The following VAT1L variants were observed in gnomAD, a reference collection of about 807,000 sequenced individuals.
VAT1L encodes the protein vesicle amine transport 1 like.
Under a neutral mutation model 44.1 loss-of-function variants are expected in VAT1L, and 34 were observed. The observed-to-expected ratio is 0.77, with a 90% CI of 0.59 to 1.03. The LOEUF (loss-of-function observed/expected upper bound fraction) is 1.03. Ranked by LOEUF, VAT1L falls within the 50% of genes least tolerant of loss-of-function variation. The pLI is 0.00. For synonymous variants in VAT1L, 253 were observed against 202.2 expected, an observed-to-expected ratio of 1.25 and a Z score of -2.13; for missense variants, 615 against 538.8, an observed-to-expected ratio of 1.14 and a Z score of -1.40.
chr16:77,849,125 C>T (rs922288172), intron 3 of VAT1L, among the ~76,000 whole-genome samples: 19 of 152,074 alleles, frequency 1.2e-4, no homozygotes, highest in South Asian at 2.1e-4. Context: ...ACCACCATGG[C>T]ACGTGTATGC....
intron 3 of VAT1L, among the ~76,000 whole-genome samples, chr16:77,839,185 G>T (rs745729955): frequency 6.6e-6 from 1 of 152,070 alleles, no homozygotes; most frequent in Non-Finnish European, 1.5e-5. Flanking sequence ...CTGAAGGAGG[G>T]GGAGGGAATG....
chr16:77,953,850 C>A (rs1158302737), intron 7 of VAT1L, among the ~76,000 whole-genome samples: 1 of 152,162 alleles, frequency 6.6e-6, no homozygotes, highest in South Asian at 2.1e-4. Flanking sequence ...TTGGTTCACA[C>A]TAGATCCTGA....
intron 7 of VAT1L, among the ~76,000 whole-genome samples, chr16:77,905,273 AT>A (rs1359913200): frequency 1.3e-5 from 2 of 152,174 alleles, no homozygotes; most frequent in Non-Finnish European, 2.9e-5. Flanking sequence ...GCATGGCTTG[AT>A]TTTCTTCAAA....
chr16:77,844,463 C>T (rs2016738366), intron 3 of VAT1L, among the ~76,000 whole-genome samples: 1 of 152,030 alleles, frequency 6.6e-6, no homozygotes, highest in Non-Finnish European at 1.5e-5. Flanking sequence ...GACTGGAGTG[C>T]AGTGGCGCTA....
In VAT1L at chr16:77,884,925, T is replaced by C; in HGVS notation, c.1077+123T>C. On this transcript the variant is annotated intron_variant, in intron 7 of 8. Coordinates refer to ENST00000302536, the MANE Select transcript of VAT1L (RefSeq NM_020927.3). The surrounding 1 kb of genome is among the most constrained non-coding windows in gnomAD (Gnocchi z 4.5). ...CAGATGGGTTTGTTTTAAATGAGGG[T>C]CCTAAAAGTCACCTGTACCACAGAA... is the stretch of plus-strand genomic sequence containing the variant. The C allele has an allele frequency of 9.6e-7, 1 of 1,040,326 alleles. No individual in the cohort carries two copies. The highest frequency in any genetic ancestry group is 3.0e-5 in the East Asian group (1 of 33,638). The allele number at this position is 1,040,326 out of a possible 1,614,324, so 64.4% of individuals were successfully genotyped here.
At chr16:77,954,852 A>G (rs555919870) in intron 7 of VAT1L, among the ~76,000 whole-genome samples, 1 of 152,342 alleles carries the variant, frequency 6.6e-6, no homozygotes, top group South Asian at 2.1e-4. Context: ...TCAATAAAAG[A>G]GGCCTAGGGT....
chr16:77,946,276 G>GCTCTTTTTTTTTTTTTTTTTTT (rs1441996306), intron 7 of VAT1L, among the ~76,000 whole-genome samples: 3 of 33,862 alleles, frequency 8.9e-5, no homozygotes, highest in Non-Finnish European at 1.7e-4. Context: ...TAGGTTACTT[G>GCTCTTTTTTTTTTTTTTTTTTT]TTCTTTTTTT....
intron 7 of VAT1L, among the ~76,000 whole-genome samples, chr16:77,893,902 A>G (rs1015569071): frequency 1.3e-5 from 2 of 152,246 alleles, no homozygotes; most frequent in South Asian, 2.1e-4. Flanking sequence ...AATGCTTAGC[A>G]TAGCATGTTT....
chr16:77,901,017 C>T (rs1239806709), intron 7 of VAT1L, among the ~76,000 whole-genome samples: 5 of 152,016 alleles, frequency 3.3e-5, no homozygotes, highest in Non-Finnish European at 7.3e-5. Context: ...TCACGGTTGG[C>T]AAGCATCAAG....
intron 7 of VAT1L, among the ~76,000 whole-genome samples, chr16:77,954,651 A>T (rs992328488): frequency 6.6e-6 from 1 of 152,148 alleles, no homozygotes; most frequent in African/African-American, 2.4e-5. Context: ...TAAATGGAAC[A>T]TCATCTCCCC....
intron 2 of VAT1L, among the ~76,000 whole-genome samples, chr16:77,822,462 G>C (rs1341614330): frequency 6.6e-6 from 1 of 152,172 alleles, no homozygotes; most frequent in African/African-American, 2.4e-5. Flanking sequence ...GGAACAGACT[G>C]CTGTCACCAC....
In VAT1L at chr16:77,977,582, T is replaced by C. The variant is rs538594316; in HGVS notation, c.1162-15T>C. ...GGTTGCACAACCCTCAATAACATCC[T>C]CTTTTGAATTACAGATGGCCAATGA... On this transcript the variant is annotated splice_polypyrimidine_tract_variant and intron_variant, in intron 8 of 8. Transcript: ENST00000302536. 1.9e-6 allele frequency: 3 copies of C among 1,613,286 alleles called. No homozygotes were observed. The highest frequency in any genetic ancestry group is 2.5e-6 in the Non-Finnish European group (3 of 1,179,620).
chr16:77,798,460 AAAG>A (rs1390432325), intron 1 of VAT1L, among the ~76,000 whole-genome samples: 1 of 152,182 alleles, frequency 6.6e-6, no homozygotes, highest in Non-Finnish European at 1.5e-5. Context: ...TTGTGTGGGG[AAAG>A]AAGAAGATAA....
Position 77,879,591 on chromosome 16 carries a change from C to T in VAT1L, c.882+367C>T, listed in dbSNP as rs1187603881. On this transcript the variant is annotated intron_variant, in intron 6 of 8. Transcript: ENST00000302536. This position sits in a 1 kb window ranked among gnomAD's most constrained non-coding sequence, Gnocchi z 4.1. ...GTGAGCCACCGCACCCAGCTGTGAG[C>T]TCTTCTATCATAAGGCATTGACTTA... is the stretch of plus-strand genomic sequence containing the variant. Among the ~76,000 whole-genome samples the T allele has an allele frequency of 6.6e-6, 1 of 152,154 alleles. No homozygotes were observed. Among genetic ancestry groups the T allele is most frequent in the African/African-American group, 2.4e-5 (1 of 41,442 alleles).
intron 1 of VAT1L, among the ~76,000 whole-genome samples, chr16:77,812,229 C>T (rs566450133): frequency 1.3e-5 from 2 of 152,098 alleles, no homozygotes; most frequent in South Asian, 2.1e-4. Context: ...TGCGCTATCA[C>T]GCCCGGCTAA....
In VAT1L at chr16:77,807,773, C is replaced by T. The variant is rs960824282; in HGVS notation, c.234-9148C>T. Among the ~76,000 whole-genome samples the T allele has an allele frequency of 2.6e-5, 4 of 152,250 alleles. No individual in the cohort carries two copies. The South Asian group carries it at 8.3e-4, about 32-fold the overall frequency. The stretch of plus-strand genomic sequence containing the variant: ...GTCACATGCAATCCACACAACACCC[C>T]GTAAGGTGGTTGTGTTACTATCCCA... On this transcript the variant is annotated intron_variant, in intron 1 of 8. Transcript: ENST00000302536.
At chr16:77,867,919 G>T (rs1295106338) in intron 4 of VAT1L, among the ~76,000 whole-genome samples, 1 of 151,788 alleles carries the variant, frequency 6.6e-6, no homozygotes, top group Non-Finnish European at 1.5e-5. Flanking sequence ...CATTGGGTGG[G>T]AAATGGGTAC....
At chr16:77,939,426 A>T (rs1201881670) in intron 7 of VAT1L, among the ~76,000 whole-genome samples, 2 of 152,290 alleles carry the variant, frequency 1.3e-5, no homozygotes, top group East Asian at 3.9e-4. Flanking sequence ...AGTTAGTTAC[A>T]CTGAGAACTG....
intron 7 of VAT1L, among the ~76,000 whole-genome samples, chr16:77,928,841 G>A (rs541737641): frequency 6.6e-6 from 1 of 152,022 alleles, no homozygotes; most frequent in East Asian, 1.9e-4. Context: ...TTTTTGAGAT[G>A]GAGTCTCACT....
Sources: gnomAD v4.1 joint callset for allele counts (sites outside exome capture counted in the v4.1 genomes callset) on GRCh38, gnomAD v4.1.1 for gene constraint, Gnocchi (gnomAD v3.1) non-coding constraint, MANE v1.5 for transcripts, NCBI Gene and HGNC (gene_info 2026-07-23, HGNC 2026-07-21) for gene names.